The following DLG2 variants were observed in gnomAD, a reference collection of about 807,000 sequenced individuals.
DLG2 encodes the protein disks large homolog 2.
Under a neutral mutation model 132.5 loss-of-function variants are expected in DLG2, and 45 were observed. The ratio of observed to expected loss-of-function variants is 0.34; its 90% CI spans 0.27 to 0.44. The LOEUF (loss-of-function observed/expected upper bound fraction) is 0.44. DLG2 is among the 20% of genes least tolerant of loss of function. The pLI is 1.00. For synonymous variants in DLG2, 424 were observed against 419.6 expected (o/e 1.01, Z -0.13); for missense variants, 1,045 against 1,196.9 (o/e 0.87, Z 1.87).
In DLG2 at chr11:83,992,175, A is replaced by C. The variant is rs888559317; in HGVS notation, c.920-11533T>G. Among the ~76,000 whole-genome samples the C allele has an allele frequency of 2.6e-5, 4 of 152,300 alleles. 1 individual carries two copies. ...TCTTCCTCTATTTAACTCATTAAAC[A>C]CTTACTGATGACTACTTATGTGTCA... is the stretch of plus-strand genomic sequence containing the variant. On this transcript the variant is annotated intron_variant, in intron 11 of 27. Transcript: ENST00000376104.
rs567522812 is a variant in DLG2 at position 84,951,589 on chromosome 11, C to CAT, written c.357+160070_357+160071dup. ...CATATGTACATGGCTTTAATACATA[C>CAT]ATATATATATACACATATATATACA... is the stretch of plus-strand genomic sequence containing the variant. On this transcript the variant is annotated intron_variant, in intron 6 of 27. Coordinates refer to ENST00000376104, the MANE Select transcript of DLG2 (RefSeq NM_001142699.3). 2.3e-3 allele frequency among the ~76,000 whole-genome samples: 344 copies of CAT among 149,988 alleles called. 1 individual carries two copies. Among genetic ancestry groups the CAT allele is most frequent in the Middle Eastern group, 7.1e-3 (2 of 280 alleles).
chr11:85,052,229 A>T lies in DLG2; in HGVS notation c.357+59432T>A, dbSNP rs888042404. Among the ~76,000 whole-genome samples, 72 of 152,284 alleles carry T rather than the reference A, an allele frequency of 4.7e-4. 2 individuals are homozygous for T. The highest frequency in any genetic ancestry group is 4.7e-3 in the Admixed American group (72 of 15,296). On this transcript the variant is annotated intron_variant, in intron 6 of 27. Coordinates refer to ENST00000376104, the MANE Select transcript of DLG2 (RefSeq NM_001142699.3). ...GTGACAAAAATCAGACGAGCATGGGAAAGTTTGGATAAATGAACAAACATC... is the reference window on the plus strand; with the variant it reads ...GTGACAAAAATCAGACGAGCATGGGTAAGTTTGGATAAATGAACAAACATC...
At chr11:85,392,761 A>C (rs1276737027) in intron 3 of DLG2, among the ~76,000 whole-genome samples, 1 of 152,120 alleles carries the variant, frequency 6.6e-6, no homozygotes, top group Non-Finnish European at 1.5e-5. Context: ...GATAACTGGC[A>C]TGCCACATGT....
intron 7 of DLG2, among the ~76,000 whole-genome samples, chr11:84,303,284 A>G (rs2098176987): frequency 6.6e-6 from 1 of 152,198 alleles, no homozygotes. Context: ...GCTTTGGACA[A>G]TGAATGTCAT....
At chr11:83,893,424 T>A (rs1442096472) in intron 15 of DLG2, among the ~76,000 whole-genome samples, 1 of 152,214 alleles carries the variant, frequency 6.6e-6, no homozygotes, top group African/African-American at 2.4e-5. Flanking sequence ...CTAGCCATGC[T>A]GGCCTTCTTC....
intron 3 of DLG2, among the ~76,000 whole-genome samples, chr11:85,342,825 A>G (rs1164018559): frequency 1.3e-5 from 2 of 152,244 alleles, no homozygotes; most frequent in East Asian, 3.8e-4. Context: ...GACCACCATC[A>G]TATAAGTGCT....
intron 18 of DLG2, 87 bp downstream of exon 18, chr11:83,786,603 A>C: frequency 8.5e-7 from 1 of 1,180,770 alleles, no homozygotes; most frequent in Non-Finnish European, 1.2e-6. Context: ...AATGATGGTG[A>C]CTCTAGTTAA....
intron 3 of DLG2, among the ~76,000 whole-genome samples, chr11:85,309,944 T>C (rs1440890099): frequency 6.6e-6 from 1 of 152,174 alleles, no homozygotes; most frequent in Non-Finnish European, 1.5e-5. Context: ...TTTATCACCA[T>C]ATTCCTACTA....
chr11:85,475,404 C>A (rs2093110462), intron 3 of DLG2, among the ~76,000 whole-genome samples: 1 of 151,822 alleles, frequency 6.6e-6, no homozygotes, highest in Admixed American at 6.6e-5. Flanking sequence ...CCAAAATCAA[C>A]CAGAGTACAA....
At chr11:85,515,589 G>C (rs1418827587) in intron 3 of DLG2, among the ~76,000 whole-genome samples, 2 of 151,844 alleles carry the variant, frequency 1.3e-5, no homozygotes, top group Non-Finnish European at 2.9e-5. Flanking sequence ...AAAATAATAT[G>C]GGTTACTACC....
intron 15 of DLG2, among the ~76,000 whole-genome samples, chr11:83,927,596 G>A (rs539891550): frequency 6.6e-6 from 1 of 152,136 alleles, no homozygotes; most frequent in Non-Finnish European, 1.5e-5. Context: ...GTGAAATGAG[G>A]TATCCAAGAG....
At chr11:85,462,055 C>T (rs543865083) in intron 3 of DLG2, among the ~76,000 whole-genome samples, 19 of 152,332 alleles carry the variant, frequency 1.2e-4, no homozygotes, top group African/African-American at 4.6e-4. Flanking sequence ...AAAACATGCT[C>T]ATCATCACTG....
chr11:84,528,023 A>G (rs2099326978), intron 7 of DLG2, among the ~76,000 whole-genome samples: 1 of 151,960 alleles, frequency 6.6e-6, no homozygotes, highest in African/African-American at 2.4e-5. Flanking sequence ...GTTTCGGAAT[A>G]ATAATAAGTA....
intron 5 of DLG2, among the ~76,000 whole-genome samples, chr11:85,123,181 G>A (rs750423186): frequency 2.6e-5 from 4 of 151,112 alleles, no homozygotes; most frequent in South Asian, 2.1e-4. Flanking sequence ...GTTTCACCGT[G>A]TTAGCAAGGA....
At chr11:85,371,672 T>G (rs981012373) in intron 3 of DLG2, among the ~76,000 whole-genome samples, 4 of 152,210 alleles carry the variant, frequency 2.6e-5, no homozygotes, top group African/African-American at 9.6e-5. Context: ...GTTCTTGACC[T>G]GTGGTCAGTA....
At chr11:84,839,359 G>A (rs2080271206) in intron 6 of DLG2, among the ~76,000 whole-genome samples, 1 of 152,042 alleles carries the variant, frequency 6.6e-6, no homozygotes. Context: ...CAAACAAATG[G>A]AAGAACATTC....
At chr11:84,336,399 AT>A (rs2098484844) in intron 7 of DLG2, among the ~76,000 whole-genome samples, 1 of 152,136 alleles carries the variant, frequency 6.6e-6, no homozygotes, top group Admixed American at 6.5e-5. Flanking sequence ...ACCATTTTCA[AT>A]GCTCACAGAA....
chr11:84,749,752 C>A (rs1387114636), intron 6 of DLG2, among the ~76,000 whole-genome samples: 1 of 152,102 alleles, frequency 6.6e-6, no homozygotes, highest in African/African-American at 2.4e-5. Flanking sequence ...GGAAACTAAG[C>A]CTTCAGAGTT....
intron 11 of DLG2, among the ~76,000 whole-genome samples, chr11:84,043,604 T>C (rs1421640150): frequency 6.6e-6 from 1 of 151,788 alleles, no homozygotes; most frequent in Non-Finnish European, 1.5e-5. Context: ...TTTTGAATGC[T>C]TGACTAAATC....
Sources: allele counts gnomAD v4.1 joint callset (sites outside exome capture counted in the v4.1 genomes callset), GRCh38; gene constraint gnomAD v4.1.1; transcripts MANE v1.5; gene names NCBI Gene and HGNC (gene_info 2026-07-23, HGNC 2026-07-21).